DLG2: variants seen among roughly 807,000 people sequenced by gnomAD.
The protein encoded by DLG2 is disks large homolog 2.
Under a neutral mutation model 132.5 loss-of-function variants are expected in DLG2, and 45 were observed. That is an observed-to-expected ratio of 0.34 (90% CI 0.27 to 0.44). The LOEUF is 0.44. Ranked by LOEUF, DLG2 falls within the 20% of genes least tolerant of loss-of-function variation. The pLI, the probability that DLG2 is intolerant of heterozygous loss-of-function variation, is 1.00. For synonymous variants in DLG2, 424 were observed against 419.6 expected, an observed-to-expected ratio of 1.01 and a Z score of -0.13; for missense variants, 1,045 against 1,196.9, an observed-to-expected ratio of 0.87 and a Z score of 1.87.
intron 6 of DLG2, among the ~76,000 whole-genome samples, chr11:85,083,480 T>C: frequency 6.6e-6 from 1 of 152,196 alleles, no homozygotes; most frequent in African/African-American, 2.4e-5. Context: ...ATGACATGGC[T>C]TCAGGAGGTC....
chr11:84,144,515 A>C (rs12788130), intron 9 of DLG2, among the ~76,000 whole-genome samples: 5,262 of 152,208 alleles, frequency 0.035, 140 homozygotes, highest in Non-Finnish European at 0.055. Context: ...CAATTGGCCT[A>C]AATCAGTAAA....
chr11:83,503,372 TA>T (rs1565510710), intron 21 of DLG2, among the ~76,000 whole-genome samples: 102 of 2,614 alleles, frequency 0.039, 1 homozygote, highest in African/African-American at 0.11. Flanking sequence ...CACCCATTTA[TA>T]TATATATATA....
At chr11:85,335,296 G>C (rs1342559020) in intron 3 of DLG2, among the ~76,000 whole-genome samples, 1 of 147,148 alleles carries the variant, frequency 6.8e-6, no homozygotes, top group Non-Finnish European at 1.5e-5. Context: ...CTTTTACTTT[G>C]AGCTATGGGT....
intron 4 of DLG2, 31 bp from the exon 5 acceptor site, chr11:85,154,682 CTTT>C: frequency 9.3e-7 from 1 of 1,075,554 alleles, no homozygotes; most frequent in Non-Finnish European, 1.4e-6. Context: ...ATCAATACTC[CTTT>C]TTTATTTTCT....
intron 6 of DLG2, among the ~76,000 whole-genome samples, chr11:84,857,753 T>C (rs1040046050): frequency 6.6e-6 from 1 of 152,120 alleles, no homozygotes; most frequent in African/African-American, 2.4e-5. Flanking sequence ...GATTCTGTAC[T>C]TTCACATCTT....
At chr11:84,537,028 G>T (rs1318170812) in intron 6 of DLG2, among the ~76,000 whole-genome samples, 1 of 151,860 alleles carries the variant, frequency 6.6e-6, no homozygotes, top group Non-Finnish European at 1.5e-5. Flanking sequence ...GGCTCACACT[G>T]CCCACAGGAC....
rs183479976 is a variant in DLG2 at position 84,626,706 on chromosome 11, C to G, written c.358-91975G>C. Among the ~76,000 whole-genome samples the G allele has an allele frequency of 1.0e-3, 153 of 152,262 alleles. 1 individual carries two copies. The highest frequency in any genetic ancestry group is 8.6e-3 in the Admixed American group (131 of 15,294). On this transcript the variant is annotated intron_variant, in intron 6 of 27. Coordinates refer to ENST00000376104, the MANE Select transcript of DLG2 (RefSeq NM_001142699.3). ...TTAGCTCTGCACTAGCAGGGAAGAG[C>G]TATGCAAGAGGAACATGTACAGGAG...
At chr11:85,004,160 GAAC>G (rs1157808029) in intron 6 of DLG2, among the ~76,000 whole-genome samples, 1 of 151,872 alleles carries the variant, frequency 6.6e-6, no homozygotes, top group Non-Finnish European at 1.5e-5. Flanking sequence ...TTGCTATTAC[GAAC>G]ACTGGGCAAT....
At chr11:85,488,271 C>A (rs952920584) in intron 3 of DLG2, among the ~76,000 whole-genome samples, 11 of 151,988 alleles carry the variant, frequency 7.2e-5, no homozygotes, top group African/African-American at 2.7e-4. Flanking sequence ...CACCTATAGT[C>A]CCAGCTATTC....
chr11:83,991,285 G>A (rs1481425206), intron 11 of DLG2, among the ~76,000 whole-genome samples: 3 of 152,110 alleles, frequency 2.0e-5, no homozygotes, highest in Admixed American at 6.6e-5. Flanking sequence ...AATCCTGCTT[G>A]AAGAACTGCT....
intron 15 of DLG2, among the ~76,000 whole-genome samples, chr11:83,900,232 G>T (rs2073043231): frequency 6.6e-6 from 1 of 152,166 alleles, no homozygotes; most frequent in East Asian, 1.9e-4. Flanking sequence ...GAGCATAAAA[G>T]TTTGGAAAAT....
At chr11:84,769,706 A>G (rs1161293547) in intron 6 of DLG2, among the ~76,000 whole-genome samples, 1 of 152,190 alleles carries the variant, frequency 6.6e-6, no homozygotes, top group Non-Finnish European at 1.5e-5. Context: ...AATGCTAAAG[A>G]AAAAAATCTT....
At chr11:84,138,892 T>C (rs115961995) in intron 9 of DLG2, among the ~76,000 whole-genome samples, 1,781 of 136,470 alleles carry the variant, frequency 0.013, 27 homozygotes, top group African/African-American at 0.039. Context: ...GAAGTTGCAA[T>C]GAGCCGAGAT....
At chr11:85,186,521 C>T (rs2080111637) in intron 4 of DLG2, among the ~76,000 whole-genome samples, 1 of 152,048 alleles carries the variant, frequency 6.6e-6, no homozygotes, top group African/African-American at 2.4e-5. Flanking sequence ...TGGGCAAATA[C>T]ATAGAAATGG....
chr11:83,808,085 G>A (rs368181550), intron 17 of DLG2, among the ~76,000 whole-genome samples: 3 of 152,006 alleles, frequency 2.0e-5, no homozygotes, highest in East Asian at 3.9e-4. Flanking sequence ...GCCTCGTGCC[G>A]GTCATCACAA....
intron 12 of DLG2, among the ~76,000 whole-genome samples, chr11:83,971,724 T>G (rs2091382791): frequency 6.6e-6 from 1 of 152,166 alleles, no homozygotes; most frequent in Non-Finnish European, 1.5e-5. Flanking sequence ...ACAAAGTGGC[T>G]GATCATTAGG....
At position 83,491,157 on chromosome 11, in the gene DLG2, T is replaced by G. The variant is rs540999901; in HGVS notation, c.2194-6929A>C. Among the ~76,000 whole-genome samples, 36 of 151,270 alleles carry G rather than the reference T, an allele frequency of 2.4e-4. 1 individual carries two copies. The East Asian group carries it at 6.4e-3, about 27-fold the overall frequency. On this transcript the variant is annotated intron_variant, in intron 21 of 27. Transcript: ENST00000376104. ...ATAGTTTTTTTTCTGTTTTTTTTTT[T>G]TTGTTACTACTTCAAATCTAACACC...
chr11:84,545,112 C>T (rs2099387042), intron 6 of DLG2: 1 of 413,228 alleles, frequency 2.4e-6, no homozygotes, highest in Non-Finnish European at 4.9e-6. Flanking sequence ...TCACGCTAAG[C>T]TTTGTTTCTT....
chr11:85,394,876 C>A (rs998369744), intron 3 of DLG2, among the ~76,000 whole-genome samples: 1 of 152,160 alleles, frequency 6.6e-6, no homozygotes, highest in East Asian at 1.9e-4. Context: ...GATGTTACCA[C>A]ACAAATTATA....
Sources: allele counts gnomAD v4.1 joint callset (sites outside exome capture counted in the v4.1 genomes callset), GRCh38; gene constraint gnomAD v4.1.1; transcripts MANE v1.5; gene names NCBI Gene and HGNC (gene_info 2026-07-23, HGNC 2026-07-21).